ZFPM2: variants seen among roughly 807,000 people sequenced by gnomAD.
ZFPM2 encodes zinc finger protein, FOG family member 2.
ZFPM2 carries 20 observed loss-of-function variants against 98.6 expected under a neutral mutation model. The observed-to-expected ratio is 0.20, with a 90% CI of 0.14 to 0.29. The LOEUF is 0.29. Among genes scored for constraint, ZFPM2 ranks in the 10% least tolerant of loss-of-function variants. The probability of loss-of-function intolerance (pLI) is 1.00; values close to 1 mark genes in which losing one functional copy is unlikely to be tolerated. For synonymous variants in ZFPM2, 518 were observed against 502.7 expected (o/e 1.03, Z -0.41); for missense variants, 1,310 against 1,388.6 (o/e 0.94, Z 0.90).
At chr8:105,681,169 G>A (rs1810590953) in intron 5 of ZFPM2, among the ~76,000 whole-genome samples, 1 of 152,106 alleles carries the variant, frequency 6.6e-6, no homozygotes, top group South Asian at 2.1e-4. Context: ...TATGAAGATA[G>A]GGTTATATAA....
intron 1 of ZFPM2, among the ~76,000 whole-genome samples, chr8:105,390,279 A>G (rs187103290): frequency 3.1e-4 from 47 of 152,316 alleles, no homozygotes; most frequent in African/African-American, 1.1e-3. Context: ...ATGATAATTC[A>G]CTAGATTAAT....
chr8:105,503,738 A>G (rs1164641296), intron 3 of ZFPM2, among the ~76,000 whole-genome samples: 3 of 152,224 alleles, frequency 2.0e-5, no homozygotes, highest in Admixed American at 2.0e-4. Context: ...GGAAGGTACT[A>G]TTTACTCACA....
intron 3 of ZFPM2, among the ~76,000 whole-genome samples, chr8:105,539,333 T>G (rs2130620009): frequency 6.6e-6 from 1 of 152,278 alleles, no homozygotes; most frequent in East Asian, 1.9e-4. Context: ...TTTAATTTGA[T>G]CCTGAAAATG....
At chr8:105,389,654 C>G (rs985572662) in intron 1 of ZFPM2, among the ~76,000 whole-genome samples, 8 of 152,182 alleles carry the variant, frequency 5.3e-5, no homozygotes, top group Non-Finnish European at 1.2e-4. Flanking sequence ...AGAATTTCAA[C>G]CCAGCTCTGA....
At chr8:105,491,811 C>G (rs975347838) in intron 3 of ZFPM2, among the ~76,000 whole-genome samples, 1 of 151,972 alleles carries the variant, frequency 6.6e-6, no homozygotes, top group South Asian at 2.1e-4. Flanking sequence ...AAAAAATGTT[C>G]TTTGGTAAAG....
intron 5 of ZFPM2, among the ~76,000 whole-genome samples, chr8:105,693,722 A>T (rs1388984402): frequency 6.6e-6 from 1 of 152,140 alleles, no homozygotes; most frequent in African/African-American, 2.4e-5. Context: ...ACTAAAATTT[A>T]TCTTTTAAAT....
At chr8:105,658,175 A>G (rs931914453) in intron 5 of ZFPM2, among the ~76,000 whole-genome samples, 7 of 152,202 alleles carry the variant, frequency 4.6e-5, no homozygotes, top group African/African-American at 1.7e-4. Flanking sequence ...TTATGGCATC[A>G]AATCAGGGGA....
At chr8:105,591,109 T>A (rs1193080295) in intron 4 of ZFPM2, among the ~76,000 whole-genome samples, 1 of 151,834 alleles carries the variant, frequency 6.6e-6, no homozygotes, top group Admixed American at 6.6e-5. Context: ...TATTCACAGA[T>A]AAAGAAAAAA....
rs1813504957 is a variant in ZFPM2, at chr8:105,788,899, T to A, written c.714T>A (p.Ser238=). Residue 238 remains serine, a synonymous_variant, in exon 6 of 8, where the codon TCT becomes TCA. Transcript: ENST00000407775. The part of the protein sequence containing the change: ...QLLPQQAAMA[S]ILPTAIVNKD... ...TTCCTCAGCAAGCTGCCATGGCTTC[T>A]ATTTTGCCCACAGCTATTGTCAATA... The A allele has an allele frequency of 6.2e-7, 1 of 1,613,678 alleles. No homozygotes were observed. Among genetic ancestry groups the A allele is most frequent in the Non-Finnish European group, 8.5e-7 (1 of 1,179,806 alleles).
At chr8:105,546,165 C>A (rs1237963010) in intron 3 of ZFPM2, among the ~76,000 whole-genome samples, 2 of 152,072 alleles carry the variant, frequency 1.3e-5, no homozygotes, top group African/African-American at 4.8e-5. Context: ...GAAAGTGGTT[C>A]TAGGTGAAGG....
chr8:105,557,101 C>T (rs1815013090), intron 3 of ZFPM2, among the ~76,000 whole-genome samples: 1 of 152,098 alleles, frequency 6.6e-6, no homozygotes, highest in Admixed American at 6.6e-5. Context: ...CAATCAACCC[C>T]TTGGTGTCTA....
intron 3 of ZFPM2, among the ~76,000 whole-genome samples, chr8:105,506,301 A>T (rs895288853): frequency 3.3e-5 from 5 of 152,180 alleles, no homozygotes; most frequent in African/African-American, 1.2e-4. Context: ...GAACATATGA[A>T]TTTCATCAAG....
At chr8:105,327,272 T>C (rs1269578174) in intron 1 of ZFPM2, among the ~76,000 whole-genome samples, 10 of 151,666 alleles carry the variant, frequency 6.6e-5, no homozygotes. Flanking sequence ...TTCACAAAAT[T>C]TGCAAAATTT....
At chr8:105,591,888 A>G (rs1461347666) in intron 4 of ZFPM2, among the ~76,000 whole-genome samples, 3 of 152,158 alleles carry the variant, frequency 2.0e-5, no homozygotes, top group African/African-American at 7.2e-5. Context: ...ACCAGTGAGG[A>G]AAAGGTGAAA....
chr8:105,723,691 C>G (rs1051488991), intron 5 of ZFPM2, among the ~76,000 whole-genome samples: 2 of 151,700 alleles, frequency 1.3e-5, no homozygotes, highest in Non-Finnish European at 2.9e-5. Flanking sequence ...CTTCAAGGCT[C>G]GGGGGTTAGC....
chr8:105,340,546 T>G, intron 1 of ZFPM2, among the ~76,000 whole-genome samples: 1 of 152,024 alleles, frequency 6.6e-6, no homozygotes, highest in East Asian at 1.9e-4. Context: ...GAATATAGCT[T>G]ACTTTAAAAG....
chr8:105,534,259 C>T (rs1371246379), intron 3 of ZFPM2, among the ~76,000 whole-genome samples: 1 of 57,416 alleles, frequency 1.7e-5, no homozygotes, highest in African/African-American at 8.7e-5. Flanking sequence ...CCCTCCCTTC[C>T]TCCTTTCCTT....
intron 1 of ZFPM2, among the ~76,000 whole-genome samples, chr8:105,348,126 T>C (rs983942977): frequency 7.3e-4 from 111 of 152,196 alleles, no homozygotes; most frequent in Non-Finnish European, 3.4e-4. Flanking sequence ...TGTTGGTTCT[T>C]TGAGCCTCTC....
intron 3 of ZFPM2, among the ~76,000 whole-genome samples, chr8:105,462,079 T>C (rs1260935413): frequency 6.6e-6 from 1 of 152,182 alleles, no homozygotes; most frequent in Admixed American, 6.5e-5. Flanking sequence ...TTTAAACCTG[T>C]TTATTAAGTT....
Sources: gnomAD v4.1 joint callset for allele counts (sites outside exome capture counted in the v4.1 genomes callset) on GRCh38, gnomAD v4.1.1 for gene constraint, MANE v1.5 for transcripts, NCBI Gene and HGNC (gene_info 2026-07-23, HGNC 2026-07-21) for gene names.